The following RBPMS variants were observed in gnomAD, a reference collection of about 807,000 sequenced individuals.
RBPMS encodes the protein RNA binding protein, mRNA processing factor, also known as RNA-binding protein with multiple splicing.
In RBPMS, 7 loss-of-function variants were observed where a neutral mutation model predicts 26.8. That is an observed-to-expected ratio of 0.26 (90% confidence interval 0.15 to 0.49). The LOEUF is 0.49. Among genes scored for constraint, RBPMS ranks in the 20% least tolerant of loss-of-function variants. The pLI is 0.98. For missense variants in RBPMS, 186 were observed against 250.0 expected (o/e 0.74, Z 1.73); for synonymous variants, 96 against 93.3 (o/e 1.03, Z -0.17).
chr8:30,472,993 G>GTA (rs1817299852), intron 1 of RBPMS, among the ~76,000 whole-genome samples: 1 of 152,170 alleles, frequency 6.6e-6, no homozygotes, highest in African/African-American at 2.4e-5. Context: ...AATCTTTCAT[G>GTA]TATATATTCA....
chr8:30,564,005 G>A (rs1006769404), intron 7 of RBPMS: 2 of 152,204 alleles, frequency 1.3e-5, no homozygotes, highest in Non-Finnish European at 2.9e-5. Flanking sequence ...GGAGGAGATG[G>A]GTAATAGGTA....
chr8:30,442,139 C>G (rs1332784930), intron 1 of RBPMS, among the ~76,000 whole-genome samples: 1 of 152,060 alleles, frequency 6.6e-6, no homozygotes, highest in Admixed American at 6.6e-5. Context: ...GTTGTCCAGG[C>G]TGGTCTCGAA....
rs192041329 is a variant in RBPMS, at chr8:30,448,361, G to T, written c.67-26418G>T. On this transcript the variant is annotated intron_variant, in intron 1 of 8. Transcript: ENST00000397323. ...TGGAAAACACCAAGATGTTTGCAGG[G>T]CAGATGCATTCCAAGTATGTGTTCT... Among the ~76,000 whole-genome samples, 280 of 152,276 alleles carry T rather than the reference G, an allele frequency of 1.8e-3. 2 individuals are homozygous for T. Among genetic ancestry groups the T allele is most frequent in the African/African-American group, 6.5e-3 (269 of 41,550 alleles).
chr8:30,545,365 G>A (rs554118637), intron 6 of RBPMS: 54 of 1,146,714 alleles, frequency 4.7e-5, no homozygotes, highest in African/African-American at 6.5e-5. Context: ...TCTTAGCTTC[G>A]CTTTTAGTGC....
At chr8:30,484,832 T>A (rs1488839298) in intron 4 of RBPMS, among the ~76,000 whole-genome samples, 1 of 152,218 alleles carries the variant, frequency 6.6e-6, no homozygotes, top group Non-Finnish European at 1.5e-5. Flanking sequence ...ACTACAGTTA[T>A]TTATAAATAT....
intron 1 of RBPMS, among the ~76,000 whole-genome samples, chr8:30,462,188 G>A (rs572870326): frequency 6.6e-6 from 1 of 152,122 alleles, no homozygotes; most frequent in Non-Finnish European, 1.5e-5. Context: ...ATTAGAACCT[G>A]TTTTCTAGTG....
At chr8:30,488,352 A>G (rs1490192844) in intron 4 of RBPMS, among the ~76,000 whole-genome samples, 1 of 152,244 alleles carries the variant, frequency 6.6e-6, no homozygotes, top group African/African-American at 2.4e-5. Context: ...TAATTTCTGT[A>G]TAATGTCTCA....
intron 6 of RBPMS, among the ~76,000 whole-genome samples, chr8:30,551,670 C>T (rs1399018817): frequency 1.3e-5 from 2 of 152,200 alleles, no homozygotes; most frequent in African/African-American, 2.4e-5. Context: ...GTGCCGTCTG[C>T]GCTCGGCTCT....
At chr8:30,434,998 A>C (rs557291090) in intron 1 of RBPMS, among the ~76,000 whole-genome samples, 56 of 142,428 alleles carry the variant, frequency 3.9e-4, no homozygotes, top group African/African-American at 1.4e-3. Context: ...CAAAGAAGAC[A>C]TCCATCCATC....
intron 5 of RBPMS, among the ~76,000 whole-genome samples, chr8:30,520,145 G>A (rs993545086): frequency 1.7e-4 from 26 of 152,284 alleles, no homozygotes; most frequent in African/African-American, 5.1e-4. Flanking sequence ...ACGACTTCAT[G>A]TATTGATCTT....
chr8:30,515,659 T>C (rs920202424), intron 5 of RBPMS, among the ~76,000 whole-genome samples: 5 of 152,188 alleles, frequency 3.3e-5, no homozygotes, highest in Admixed American at 3.3e-4. Flanking sequence ...TAATAAACTT[T>C]TTTTCTTTTT....
chr8:30,524,574 T>G (rs1823389171), intron 5 of RBPMS, among the ~76,000 whole-genome samples: 1 of 152,112 alleles, frequency 6.6e-6, no homozygotes, highest in Admixed American at 6.5e-5. Context: ...CCCCTCTTCA[T>G]TTTTTGAAAA....
chr8:30,423,239 G>A (rs1435199145), intron 1 of RBPMS, among the ~76,000 whole-genome samples: 1 of 152,156 alleles, frequency 6.6e-6, no homozygotes, highest in African/African-American at 2.4e-5. Flanking sequence ...TTCTTCGACT[G>A]GAGATCCAGA....
At chr8:30,428,064 A>G (rs1048188681) in intron 1 of RBPMS, among the ~76,000 whole-genome samples, 6 of 128,632 alleles carry the variant, frequency 4.7e-5, no homozygotes, top group Non-Finnish European at 9.4e-5. Context: ...TTACTCTGTC[A>G]CCAGGCTGGA....
rs1246721956 is a variant in RBPMS, at chr8:30,384,941, C to CCGGGAAGATGAACAACGGCGGCAAAGCCG, written c.-152_-151insCGGGAAGATGAACAACGGCGGCAAAGCCG. On this transcript the variant is annotated 5_prime_UTR_variant, in exon 1 of 9. It adds an upstream start codon to the 5' untranslated region. Coordinates refer to ENST00000397323, the MANE Select transcript of RBPMS (RefSeq NM_001008710.3). This position sits in a 1 kb window ranked among gnomAD's most constrained non-coding sequence, Gnocchi z 5.6. The stretch of plus-strand genomic sequence containing the variant: ...GAGCCCCAGCCCAACCCGAGCCCGA[C>CCGGGAAGATGAACAACGGCGGCAAAGCCG]AGCCACTGCCCCGGCTCCAGCTCCA... 1 of 444,254 alleles carries CCGGGAAGATGAACAACGGCGGCAAAGCCG rather than the reference C, an allele frequency of 2.3e-6. No individual in the cohort carries two copies. Among genetic ancestry groups the CCGGGAAGATGAACAACGGCGGCAAAGCCG allele is most frequent in the Admixed American group, 4.7e-5 (1 of 21,432 alleles). 27.5% of individuals were successfully genotyped at this position (444,254 alleles called of 1,614,324 possible).
chr8:30,431,161 G>C (rs1422421396), intron 1 of RBPMS, among the ~76,000 whole-genome samples: 2 of 152,090 alleles, frequency 1.3e-5, no homozygotes, highest in Admixed American at 6.6e-5. Context: ...TGGTATAACT[G>C]GCAGAGTGTA....
intron 1 of RBPMS, chr8:30,385,407 G>A (rs1223103380): frequency 2.8e-6 from 1 of 356,700 alleles, no homozygotes; most frequent in African/African-American, 2.1e-5. Context: ...ATAATGCTCA[G>A]CTTTGTTTGC....
At position 30,444,712 on chromosome 8, in the gene RBPMS, GAACA is replaced by G. The variant is rs1282536279; in HGVS notation, c.67-30064_67-30061del. On this transcript the variant is annotated intron_variant, in intron 1 of 8. Transcript: ENST00000397323. ...CCATGGTAAAAGAACAAGAAAGACA[GAACA>G]AAGAAGGCAGAGCAGAAAAGTTCCA... 2.0e-5 allele frequency: 3 copies of G among 152,314 alleles called. No homozygotes were observed. The East Asian group carries it at 5.8e-4, about 29-fold the overall frequency. 9.4% of individuals were successfully genotyped at this position (152,314 alleles called of 1,614,324 possible).
At chr8:30,390,804 A>G (rs4259380) in intron 1 of RBPMS, among the ~76,000 whole-genome samples, 94,993 of 151,994 alleles carry the variant, frequency 0.62, 30,088 homozygotes, top group East Asian at 0.82. Flanking sequence ...AATGTTCAAC[A>G]CCTACCCCAG....
Sources: allele counts gnomAD v4.1 joint callset (sites outside exome capture counted in the v4.1 genomes callset), GRCh38; gene constraint gnomAD v4.1.1; non-coding constraint Gnocchi (gnomAD v3.1); transcripts MANE v1.5; gene names NCBI Gene and HGNC (gene_info 2026-07-23, HGNC 2026-07-21).